SLC7A2: variants seen among roughly 807,000 people sequenced by gnomAD.
SLC7A2 encodes the protein cationic amino acid transporter 2.
In SLC7A2, 48 loss-of-function variants were observed where a neutral mutation model predicts 58.9. The observed-to-expected ratio is 0.82, with a 90% confidence interval of 0.65 to 1.04. SLC7A2 has a LOEUF of 1.04. Among genes scored for constraint, SLC7A2 ranks in the 50% least tolerant of loss-of-function variants. The pLI, the probability that SLC7A2 is intolerant of heterozygous loss-of-function variation, is 0.00. For synonymous variants in SLC7A2, 363 were observed against 314.5 expected, an observed-to-expected ratio of 1.15 and a Z score of -1.63; for missense variants, 1,029 against 818.8, an observed-to-expected ratio of 1.26 and a Z score of -3.13.
chr8:17,504,271 G>A (rs896244279), intron 2 of SLC7A2, among the ~76,000 whole-genome samples: 1 of 152,204 alleles, frequency 6.6e-6, no homozygotes, highest in African/African-American at 2.4e-5. Context: ...AGTGCTTAGT[G>A]AGATTGAGGC....
chr8:17,518,099 T>C (rs1800872365), intron 2 of SLC7A2, among the ~76,000 whole-genome samples: 1 of 152,166 alleles, frequency 6.6e-6, no homozygotes, highest in Admixed American at 6.6e-5. Context: ...TAATTTTTAT[T>C]TTTATATATC....
intron 2 of SLC7A2, among the ~76,000 whole-genome samples, chr8:17,506,253 G>C (rs753377887): frequency 4.6e-5 from 7 of 152,114 alleles, no homozygotes; most frequent in Non-Finnish European, 8.8e-5. Context: ...TGCTGGGCTG[G>C]TGCCTGCTTT....
chr8:17,495,232 C>T (rs925031661), upstream of SLC7A2, among the ~76,000 whole-genome samples: 5 of 152,126 alleles, frequency 3.3e-5, no homozygotes, highest in African/African-American at 7.2e-5. Flanking sequence ...TGAGCCACCG[C>T]GACTCCCAGG....
rs549685909 is a variant in SLC7A2 at position 17,513,659 on chromosome 8, G to T, written c.-23+11357G>T. On this transcript the variant is annotated intron_variant, in intron 2 of 12. Coordinates refer to ENST00000494857, the MANE Select transcript of SLC7A2 (RefSeq NM_001370338.1). ...AACAAGTAGAATCTGCTGAGATGAG[G>T]CCTTAATTGATCATTTTTACAAGAC... is the stretch of plus-strand genomic sequence containing the variant. 9.9e-4 allele frequency among the ~76,000 whole-genome samples: 150 copies of T among 152,248 alleles called. 1 individual carries two copies. Among genetic ancestry groups the T allele is most frequent in the Middle Eastern group, 3.4e-3 (1 of 294 alleles).
chr8:17,552,977 C>T (rs1380092666), intron 7 of SLC7A2, among the ~76,000 whole-genome samples: 1 of 152,178 alleles, frequency 6.6e-6, no homozygotes, highest in Non-Finnish European at 1.5e-5. Context: ...TCCCTTCAAA[C>T]TCCCTTTTAT....
At chr8:17,494,855 G>T (rs909811372), upstream of SLC7A2, among the ~76,000 whole-genome samples, 1 of 152,186 alleles carries the variant, frequency 6.6e-6, no homozygotes, top group South Asian at 2.1e-4. Context: ...GAAAGAATTT[G>T]CTCTTTTTTT....
chr8:17,519,548 C>T (rs2213906), intron 2 of SLC7A2, among the ~76,000 whole-genome samples: 4 of 151,948 alleles, frequency 2.6e-5, no homozygotes, highest in Non-Finnish European at 4.4e-5. Flanking sequence ...CCTGTCCCTC[C>T]GGGTCAGCCT....
Position 17,544,445 on chromosome 8 carries a change from G to T in SLC7A2, c.377-6G>T, listed in dbSNP as rs1175920807. 1 of 1,612,822 alleles carries T rather than the reference G, an allele frequency of 6.2e-7. No individual in the cohort carries two copies. Among genetic ancestry groups the T allele is most frequent in the South Asian group, 1.1e-5 (1 of 90,782 alleles). On this transcript the variant is annotated splice_polypyrimidine_tract_variant and splice_region_variant and intron_variant, in intron 3 of 12. Transcript: ENST00000494857. ...GACTTCGTATTCTCTGTTCTGTTTT[G>T]GGAAGGTACATCAAGTGTTGCAAGA...
intron 11 of SLC7A2, among the ~76,000 whole-genome samples, chr8:17,563,395 C>G (rs1585275755): frequency 6.6e-6 from 1 of 152,174 alleles, no homozygotes; most frequent in Admixed American, 6.5e-5. Context: ...GCAGGTGTTA[C>G]TGAATCTGAT....
intron 2 of SLC7A2, among the ~76,000 whole-genome samples, chr8:17,507,412 C>G (rs1455579290): frequency 2.0e-5 from 3 of 152,012 alleles, no homozygotes; most frequent in Non-Finnish European, 4.4e-5. Context: ...GGGGGTCTCA[C>G]TGTGTTGCCC....
chr8:17,549,398 T>G (rs997657790), intron 5 of SLC7A2, among the ~76,000 whole-genome samples: 1 of 152,254 alleles, frequency 6.6e-6, no homozygotes, highest in East Asian at 1.9e-4. Flanking sequence ...TATGCTCCTT[T>G]TGGAGCAACT....
intron 2 of SLC7A2, among the ~76,000 whole-genome samples, chr8:17,517,886 T>C (rs1165558956): frequency 6.6e-6 from 1 of 152,156 alleles, no homozygotes; most frequent in Non-Finnish European, 1.5e-5. Flanking sequence ...TTATGCAGCA[T>C]GGAAGAGAGG....
chr8:17,536,094 A>G (rs1254015488), intron 2 of SLC7A2, among the ~76,000 whole-genome samples: 1 of 134,582 alleles, frequency 7.4e-6, no homozygotes, highest in African/African-American at 2.9e-5. Flanking sequence ...GCTTACTTCC[A>G]TAATTCCTTG....
intron 8 of SLC7A2, among the ~76,000 whole-genome samples, chr8:17,555,447 T>G (rs762172953): frequency 1.3e-5 from 2 of 152,238 alleles, no homozygotes; most frequent in African/African-American, 2.4e-5. Flanking sequence ...TAAGGAATTC[T>G]TGCTTAATTT....
intron 5 of SLC7A2, among the ~76,000 whole-genome samples, chr8:17,549,551 T>C (rs1417652836): frequency 6.6e-6 from 1 of 152,250 alleles, no homozygotes; most frequent in Non-Finnish European, 1.5e-5. Flanking sequence ...ATGAGTATTT[T>C]TGAGTCCTGC....
intron 2 of SLC7A2, among the ~76,000 whole-genome samples, chr8:17,541,313 A>C (rs767182757): frequency 3.9e-5 from 6 of 152,208 alleles, no homozygotes; most frequent in Non-Finnish European, 8.8e-5. Context: ...AGGGTTAGCC[A>C]GTGGTAGAAA....
At position 17,565,412 on chromosome 8, in the gene SLC7A2, A is replaced by T; in HGVS notation, c.*266A>T. 2.9e-6 allele frequency: 1 copy of T among 349,294 alleles called. No individual in the cohort carries two copies. Among genetic ancestry groups the T allele is most frequent in the Non-Finnish European group, 5.2e-6 (1 of 191,704 alleles). 21.6% of individuals were successfully genotyped at this position (349,294 alleles called of 1,614,324 possible). A position where few individuals can be genotyped will look rare whatever the true frequency, so the allele number is the denominator to read the frequency against. ...TATGTATGTGTGTATGTATGTATCT[A>T]TGTATATGCTTGGGAACATGAGTGT... On this transcript the variant is annotated 3_prime_UTR_variant, in exon 13 of 13. Transcript: ENST00000494857.
At chr8:17,539,474 A>G (rs985840643) in intron 2 of SLC7A2, among the ~76,000 whole-genome samples, 13 of 152,160 alleles carry the variant, frequency 8.5e-5, no homozygotes, top group Admixed American at 7.9e-4. Flanking sequence ...TAATATGCAC[A>G]TATTTATCTT....
At chr8:17,538,571 C>G (rs1197815864) in intron 2 of SLC7A2, among the ~76,000 whole-genome samples, 3 of 152,132 alleles carry the variant, frequency 2.0e-5, no homozygotes, top group African/African-American at 7.2e-5. Flanking sequence ...GAATAAAAGT[C>G]AATAAATCCA....
Sources: allele counts gnomAD v4.1 joint callset (sites outside exome capture counted in the v4.1 genomes callset), GRCh38; gene constraint gnomAD v4.1.1; transcripts MANE v1.5; gene names NCBI Gene and HGNC (gene_info 2026-07-23, HGNC 2026-07-21).